The following GALNT11 variants were observed in gnomAD, a reference collection of about 807,000 sequenced individuals.
GALNT11 encodes the protein UDP-GalNAc:polypeptide N-acetylgalactosaminyltransferase 11.
A neutral mutation model predicts 72.7 loss-of-function variants in GALNT11; 47 were observed. That is an observed-to-expected ratio of 0.65 (90% CI 0.51 to 0.82). The LOEUF (loss-of-function observed/expected upper bound fraction) is 0.82. Ranked by LOEUF, GALNT11 falls within the 40% of genes least tolerant of loss-of-function variation. GALNT11 has a pLI of 0.00. For missense variants in GALNT11, 677 were observed against 778.4 expected (o/e 0.87, Z 1.55); for synonymous variants, 270 against 286.6 (o/e 0.94, Z 0.58).
chr7:152,049,541 G>A (rs2083293347), intron 1 of GALNT11, among the ~76,000 whole-genome samples: 2 of 152,190 alleles, frequency 1.3e-5, no homozygotes, highest in African/African-American at 4.8e-5. Flanking sequence ...AAGCACTGCT[G>A]TGGCCACCAC....
Position 152,121,855 on chromosome 7 carries a change from G to T in GALNT11, c.*178G>T. ...AGGTGACACGTGTCTGACAGAGACG[G>T]GAGCTCTGAGTGTCCACGGGTGAAG... On this transcript the variant is annotated 3_prime_UTR_variant, in exon 12 of 12. Coordinates refer to ENST00000430044, the MANE Select transcript of GALNT11 (RefSeq NM_022087.4). 1 of 670,152 alleles carries T rather than the reference G, an allele frequency of 1.5e-6. No individual in the cohort carries two copies. The highest frequency in any genetic ancestry group is 2.4e-6 in the Non-Finnish European group (1 of 419,214). 41.5% of individuals were successfully genotyped at this position (670,152 alleles called of 1,614,324 possible). A position where few individuals can be genotyped will look rare whatever the true frequency, so the allele number is the denominator to read the frequency against.
intron 1 of GALNT11, among the ~76,000 whole-genome samples, chr7:152,045,498 A>G (rs942738818): frequency 2.0e-5 from 3 of 152,048 alleles, no homozygotes; most frequent in Admixed American, 1.3e-4. Flanking sequence ...GGATTTCTTA[A>G]TAGTTCAGTC....
In GALNT11 at chr7:152,105,261, ACTAGATGAATATGT is replaced by A. The variant is rs2087407880; in HGVS notation, c.605_618del (p.Leu202ProfsTer9). 2 of 1,613,748 alleles carry A rather than the reference ACTAGATGAATATGT, an allele frequency of 1.2e-6. No homozygotes were observed. The highest frequency in any genetic ancestry group is 2.7e-5 in the African/African-American group (2 of 74,946). On this transcript the variant is annotated frameshift_variant, in exon 5 of 12. Coordinates refer to ENST00000430044, the MANE Select transcript of GALNT11 (RefSeq NM_022087.4). LOFTEE classifies it high-confidence loss of function. ...TATTTTCAGATGATTTGAAAGGAGA[ACTAGATGAATATGT>A]CCAAAAATACCTCCCTGGAAAAATT...
At chr7:152,091,216 T>TTA (rs1317701303) in intron 1 of GALNT11, among the ~76,000 whole-genome samples, 8 of 151,012 alleles carry the variant, frequency 5.3e-5, no homozygotes, top group African/African-American at 9.7e-5. Context: ...CCTGGCTAAT[T>TTA]TATATATATA....
intron 1 of GALNT11, among the ~76,000 whole-genome samples, chr7:152,077,806 A>G (rs1443921130): frequency 6.6e-6 from 1 of 152,166 alleles, no homozygotes; most frequent in Non-Finnish European, 1.5e-5. Flanking sequence ...GAACCCGCAC[A>G]GATAACAGAG....
At chr7:152,064,400 T>A (rs1174764106) in intron 1 of GALNT11, among the ~76,000 whole-genome samples, 1 of 152,244 alleles carries the variant, frequency 6.6e-6, no homozygotes, top group Non-Finnish European at 1.5e-5. Context: ...GGGTCTTGAC[T>A]CTTTATCCAA....
At chr7:152,041,767 G>A (rs551661325) in intron 1 of GALNT11, among the ~76,000 whole-genome samples, 2 of 152,300 alleles carry the variant, frequency 1.3e-5, no homozygotes, top group East Asian at 3.9e-4. Flanking sequence ...GCCTAGAGCA[G>A]GTCATATCCA....
At chr7:152,027,342 C>T (rs887384350) in intron 1 of GALNT11, among the ~76,000 whole-genome samples, 4 of 152,226 alleles carry the variant, frequency 2.6e-5, no homozygotes, top group African/African-American at 7.2e-5. Flanking sequence ...TGCATAATCA[C>T]ATCAGGATAA....
At chr7:152,035,783 A>G (rs916440679) in intron 1 of GALNT11, among the ~76,000 whole-genome samples, 4 of 152,174 alleles carry the variant, frequency 2.6e-5, no homozygotes, top group African/African-American at 9.7e-5. Flanking sequence ...GGAAAACAGG[A>G]CAGAATAGCA....
Position 152,100,919 on chromosome 7 carries a change from A to G in GALNT11, c.417A>G (p.Ala139=). ...YHRDVPDTRN[A]ACKEKFYPPD... ...GAGATGTGCCAGACACAAGGAATGC[A>G]GCGTATGTGCCTTATCGGATTTGCA... The change falls in exon 3 of 12, where the codon GCA becomes GCG. Residue 139 remains alanine, a splice_region_variant and synonymous_variant. Transcript: ENST00000430044. 1.9e-6 allele frequency: 3 copies of G among 1,613,804 alleles called. No homozygotes were observed. The highest frequency in any genetic ancestry group is 2.5e-6 in the Non-Finnish European group (3 of 1,179,828).
At chr7:152,047,112 C>T (rs1396953993) in intron 1 of GALNT11, among the ~76,000 whole-genome samples, 1 of 152,130 alleles carries the variant, frequency 6.6e-6, no homozygotes, top group Non-Finnish European at 1.5e-5. Context: ...TGCAGTGGCT[C>T]ATGTTTGTAA....
intron 1 of GALNT11, among the ~76,000 whole-genome samples, chr7:152,047,396 G>A (rs189856688): frequency 2.0e-4 from 30 of 152,144 alleles, no homozygotes; most frequent in East Asian, 5.8e-4. Context: ...CCTGGGAAGC[G>A]GAGGTTGTAG....
chr7:152,121,570 T>G lies in GALNT11; in HGVS notation c.1720T>G (p.Ser574Ala). ...FGKNNRLYQVSVGQCLRAVDP... is the reference protein window; with the variant it reads ...FGKNNRLYQVAVGQCLRAVDP... Reference sequence around the variant, plus strand: ...GAAAAACAATCGGCTATACCAGGTGTCGGTTGGACAGTGCCTGAGAGCAGT... The same window carrying G: ...GAAAAACAATCGGCTATACCAGGTGGCGGTTGGACAGTGCCTGAGAGCAGT... The change falls in exon 12 of 12, where the codon TCG becomes GCG. Residue 574 changes from serine to alanine, a missense_variant. Coordinates refer to ENST00000430044, the MANE Select transcript of GALNT11 (RefSeq NM_022087.4). 6.2e-7 allele frequency: 1 copy of G among 1,612,510 alleles called. No individual in the cohort carries two copies. Among genetic ancestry groups the G allele is most frequent in the African/African-American group, 1.3e-5 (1 of 74,966 alleles).
chr7:152,075,422 C>G (rs919525942), intron 1 of GALNT11, among the ~76,000 whole-genome samples: 4 of 152,226 alleles, frequency 2.6e-5, no homozygotes, highest in African/African-American at 9.6e-5. Context: ...TTTGATTATG[C>G]TAAATTTAAC....
chr7:152,036,712 A>G (rs1233845207), intron 1 of GALNT11, among the ~76,000 whole-genome samples: 1 of 152,206 alleles, frequency 6.6e-6, no homozygotes, highest in Non-Finnish European at 1.5e-5. Context: ...CCAATGGTGT[A>G]TGAGGATTCC....
At chr7:152,090,733 C>T (rs938320901) in intron 1 of GALNT11, among the ~76,000 whole-genome samples, 3 of 147,174 alleles carry the variant, frequency 2.0e-5, no homozygotes, top group Admixed American at 7.0e-5. Context: ...ACAAGTATCA[C>T]GTTTTCAGGG....
At chr7:152,051,172 C>T (rs976449861) in intron 1 of GALNT11, among the ~76,000 whole-genome samples, 1 of 142,126 alleles carries the variant, frequency 7.0e-6, no homozygotes, top group Non-Finnish European at 1.5e-5. Flanking sequence ...TCTGGCTCTG[C>T]CTTTCCTCCT....
rs147665685 is a variant in GALNT11 at position 152,062,477 on chromosome 7, C to T, written c.-38-31713C>T. ...TTTATTTCTTTCTCCTGCCTGATTG[C>T]CCTGGCGAGGACTTCCAACAGTATG... On this transcript the variant is annotated intron_variant, in intron 1 of 11. Transcript: ENST00000430044. 3.4e-3 allele frequency among the ~76,000 whole-genome samples: 524 copies of T among 152,262 alleles called. 5 individuals carry two copies. Among genetic ancestry groups the T allele is most frequent in the African/African-American group, 0.012 (493 of 41,544 alleles).
chr7:152,037,870 A>G (rs1586936301), intron 1 of GALNT11, among the ~76,000 whole-genome samples: 1 of 151,696 alleles, frequency 6.6e-6, no homozygotes, highest in Non-Finnish European at 1.5e-5. Context: ...CTGGGTTCGC[A>G]TGATTCTCCT....
Sources: allele counts gnomAD v4.1 joint callset (sites outside exome capture counted in the v4.1 genomes callset), GRCh38; gene constraint gnomAD v4.1.1; transcripts MANE v1.5; gene names NCBI Gene and HGNC (gene_info 2026-07-23, HGNC 2026-07-21).